ITPRID2: variants seen among roughly 807,000 people sequenced by gnomAD.
The protein encoded by ITPRID2 is ITPR interacting domain containing 2.
In ITPRID2, 60 loss-of-function variants were observed where a neutral mutation model predicts 124.3. That is an observed-to-expected ratio of 0.48 (90% confidence interval 0.39 to 0.60). The LOEUF is 0.60. Ranked by LOEUF, ITPRID2 falls within the 20% of genes least tolerant of loss-of-function variation. The pLI is 0.00. For synonymous variants in ITPRID2, 521 were observed against 542.9 expected, an observed-to-expected ratio of 0.96 and a Z score of 0.56; for missense variants, 1,553 against 1,512.2, an observed-to-expected ratio of 1.03 and a Z score of -0.45.
In ITPRID2 at chr2:181,921,932, T is replaced by A. The variant is rs1390499875; in HGVS notation, c.3211-16T>A. 6.3e-7 allele frequency: 1 copy of A among 1,596,620 alleles called. No individual in the cohort carries two copies. Among genetic ancestry groups the A allele is most frequent in the Non-Finnish European group, 8.5e-7 (1 of 1,171,702 alleles). ...AATTCCAAGAGAGAAGAATAACATTTTTTTATGATCTCCAGGTCACTGAAC... is the reference window on the plus strand; with the variant it reads ...AATTCCAAGAGAGAAGAATAACATTATTTTATGATCTCCAGGTCACTGAAC... On this transcript the variant is annotated splice_polypyrimidine_tract_variant and intron_variant, in intron 15 of 17. Coordinates refer to ENST00000431877, the MANE Select transcript of ITPRID2 (RefSeq NM_001130445.3).
At chr2:181,924,614 A>T (rs901160506) in intron 16 of ITPRID2, among the ~76,000 whole-genome samples, 15 of 152,308 alleles carry the variant, frequency 9.8e-5, no homozygotes, top group Admixed American at 2.0e-4. Context: ...GCGTTCATGG[A>T]TGCATGAAAA....
intron 8 of ITPRID2, among the ~76,000 whole-genome samples, chr2:181,904,441 G>C (rs1692938370): frequency 6.6e-6 from 1 of 152,052 alleles, no homozygotes. Flanking sequence ...AAAACCTCCT[G>C]GAAGTGTGTT....
At position 181,902,269 on chromosome 2, in the gene ITPRID2, C is replaced by T. The variant is rs1246217320; in HGVS notation, c.1216C>T (p.Leu406=). ...SKETQSHESK[L]GEESGIVESK... ...AGAAACTCAAAGTCATGAGAGTAAA[C>T]TGGGTGAGGAATCTGGTATTGTAGA... The change falls in exon 8 of 18, where the codon CTG becomes TTG. Residue 406 remains leucine (L), a synonymous_variant. Coordinates refer to ENST00000431877, the MANE Select transcript of ITPRID2 (RefSeq NM_001130445.3). This position sits in a 1 kb window ranked among gnomAD's most constrained non-coding sequence, Gnocchi z 4.4. 6.2e-7 allele frequency: 1 copy of T among 1,613,470 alleles called. No individual in the cohort carries two copies. Among genetic ancestry groups the T allele is most frequent in the Admixed American group, 1.7e-5 (1 of 59,942 alleles).
Position 181,892,408 on chromosome 2 carries a change from AC to A in ITPRID2, c.211+133del. 8.2e-7 allele frequency: 1 copy of A among 1,212,178 alleles called. No homozygotes were observed. The highest frequency in any genetic ancestry group is 1.5e-5 in the African/African-American group (1 of 65,874). 75.1% of individuals were successfully genotyped at this position (1,212,178 alleles called of 1,614,324 possible). A position where few individuals can be genotyped will look rare whatever the true frequency, so the allele number is the denominator to read the frequency against. On this transcript the variant is annotated intron_variant, in intron 1 of 17. Coordinates refer to ENST00000431877, the MANE Select transcript of ITPRID2 (RefSeq NM_001130445.3). This position sits in a 1 kb window ranked among gnomAD's most constrained non-coding sequence, Gnocchi z 5.2. ...GCCGAGGGGAGAGGGGACACTTCCG[AC>A]CTTCAAACGCGCGCGCTGAACGAGG...
At position 181,915,904 on chromosome 2, in the gene ITPRID2, A is replaced by C. The variant is rs537977966; in HGVS notation, c.2264A>C (p.Asn755Thr). The C allele has an allele frequency of 6.2e-7, 1 of 1,614,088 alleles. No individual in the cohort carries two copies. Residue 755 changes from asparagine to threonine, a missense_variant, in exon 11 of 18, where the codon AAT (asparagine) becomes ACT (threonine). Asn to Thr is a moderately conservative substitution (Grantham distance 65). Transcript: ENST00000431877. ...CCAGTAAGGGTTGTGTCCTCTGTCA[A>C]TGTTCGATTATCTCCAGGAAAAGAG... Reference protein sequence around the residue: ...LSPVRVVSSVNVRLSPGKETR... With the variant: ...LSPVRVVSSVTVRLSPGKETR...
At chr2:181,898,820 A>T (rs1413905210) in intron 4 of ITPRID2, 60 bp from the exon 5 acceptor site, 1 of 1,133,448 alleles carries the variant, frequency 8.8e-7, no homozygotes, top group Non-Finnish European at 1.3e-6. Flanking sequence ...TGATAATTGT[A>T]TCATAGTAGT....
Position 181,916,775 on chromosome 2 carries a change from TAA to T in ITPRID2, c.2787+350_2787+351del, listed in dbSNP as rs560919127. ...TCTATTATTAAAAAATCTTCCCTCTTAAAGTTCTTTCTCTCTTTCTCTCTGCT... is the reference window on the plus strand; with the variant it reads ...TCTATTATTAAAAAATCTTCCCTCTTAGTTCTTTCTCTCTTTCTCTCTGCT... On this transcript the variant is annotated intron_variant, in intron 11 of 17. Coordinates refer to ENST00000431877, the MANE Select transcript of ITPRID2 (RefSeq NM_001130445.3). 4 of 955,270 alleles carry T rather than the reference TAA, an allele frequency of 4.2e-6. No homozygotes were observed. In the African/African-American group the frequency reaches 5.3e-5, roughly 13 times the overall value. The allele number at this position is 955,270 out of a possible 1,614,324, so 59.2% of individuals were successfully genotyped here. A position where few individuals can be genotyped will look rare whatever the true frequency, so the allele number is the denominator to read the frequency against.
intron 4 of ITPRID2, among the ~76,000 whole-genome samples, chr2:181,897,881 T>C (rs990779712): frequency 6.6e-6 from 1 of 152,010 alleles, no homozygotes; most frequent in African/African-American, 2.4e-5. Context: ...TTAGTTCTTA[T>C]TATTTCTGTT....
rs757407741 is a variant in ITPRID2 at position 181,916,150 on chromosome 2, C to T, written c.2510C>T (p.Pro837Leu). ...CCTACCTGTTCACGGCTTGCTCCAC[C>T]ACCAATGTCTCAGTCTACCTGTTCC... Reference protein sequence around the residue: ...RTPTCSRLAPPPMSQSTCSLH... With the variant: ...RTPTCSRLAPLPMSQSTCSLH... Residue 837 changes from proline to leucine, a missense_variant, in exon 11 of 18, where the codon CCA becomes CTA. Pro to Leu is a moderately conservative substitution (Grantham distance 98). Transcript: ENST00000431877. 6.2e-7 allele frequency: 1 copy of T among 1,614,232 alleles called. No individual in the cohort carries two copies. The highest frequency in any genetic ancestry group is 1.1e-5 in the South Asian group (1 of 91,086).
In ITPRID2 at chr2:181,915,240, G is replaced by A; in HGVS notation, c.1600G>A (p.Gly534Arg). ...LQVQESLQAM[G>R]SSADSCDSET... ...GGTTCAGGAGTCCTTGCAGGCTATG[G>A]GGAGTAGTGCTGATAGTTGTGACAG... Residue 534 changes from glycine to arginine, a missense_variant, in exon 11 of 18, where the codon GGG (glycine) becomes AGG (arginine). Physicochemically the swap from Gly to Arg is moderately radical, Grantham distance 125. Coordinates refer to ENST00000431877, the MANE Select transcript of ITPRID2 (RefSeq NM_001130445.3). 6.2e-7 allele frequency: 1 copy of A among 1,614,042 alleles called. No individual in the cohort carries two copies. Among genetic ancestry groups the A allele is most frequent in the South Asian group, 1.1e-5 (1 of 91,066 alleles).
intron 16 of ITPRID2, 22 bp from the exon 17 acceptor site, chr2:181,928,139 T>C: frequency 2.1e-6 from 3 of 1,459,842 alleles, no homozygotes; most frequent in Non-Finnish European, 2.8e-6. Context: ...TAAATTTTTG[T>C]TTTATTGTTT....
Position 181,929,747 on chromosome 2 carries a change from C to A in ITPRID2, c.*200C>A, listed in dbSNP as rs879572713. The stretch of plus-strand genomic sequence containing the variant: ...TAGAAACTTAGGCACTTTGCTATTT[C>A]TTTTCTAAACTATCAAAAACTCTAG... On this transcript the variant is annotated 3_prime_UTR_variant, in exon 18 of 18. Coordinates refer to ENST00000431877, the MANE Select transcript of ITPRID2 (RefSeq NM_001130445.3). 2 of 761,286 alleles carry A rather than the reference C, an allele frequency of 2.6e-6. No homozygotes were observed. Among genetic ancestry groups the A allele is most frequent in the Admixed American group, 5.9e-5 (2 of 34,034 alleles). 47.2% of individuals were successfully genotyped at this position (761,286 alleles called of 1,614,324 possible).
Position 181,902,228 on chromosome 2 carries a change from A to G in ITPRID2, c.1175A>G (p.Glu392Gly). The change falls in exon 8 of 18, where the codon GAA becomes GGA. Residue 392 changes from glutamate (E) to glycine (G), a missense_variant. Transcript: ENST00000431877. This position sits in a 1 kb window ranked among gnomAD's most constrained non-coding sequence, Gnocchi z 4.4. ...EANSNFNQGT[E>G]NEQSKETQSH... is the part of the protein sequence containing the mutation. The stretch of plus-strand genomic sequence containing the variant: ...AATAGTAATTTTAACCAAGGAACTG[A>G]AAATGAACAAAGTAAAGAAACTCAA... The G allele has an allele frequency of 6.2e-7, 1 of 1,613,360 alleles. No individual in the cohort carries two copies. Among genetic ancestry groups the G allele is most frequent in the Non-Finnish European group, 8.5e-7 (1 of 1,179,546 alleles).
At chr2:181,918,479 G>C (rs1694244020) in intron 11 of ITPRID2, 119 bp from the exon 12 acceptor site, 2 of 1,481,646 alleles carry the variant, frequency 1.3e-6, no homozygotes, top group Non-Finnish European at 1.8e-6. Context: ...AGGTTTTTTG[G>C]ATCCTTTTGT....
At chr2:181,916,478 C>A (rs754728012) in intron 11 of ITPRID2, 51 bp downstream of exon 11, 10 of 1,553,954 alleles carry the variant, frequency 6.4e-6, no homozygotes, top group South Asian at 1.2e-5. Context: ...CTGCTCTGAG[C>A]ACTTTTTAAT....
rs1021184666 is a variant in ITPRID2 at position 181,907,365 on chromosome 2, G to A, written c.1414-2534G>A. Among the ~76,000 whole-genome samples the A allele has an allele frequency of 4.6e-5, 7 of 151,576 alleles. No individual in the cohort carries two copies. The highest frequency in any genetic ancestry group is 1.7e-4 in the African/African-American group (7 of 41,284). ...CTTTTTTAAATGAAGTAACCCAAAT[G>A]TGTGGGTTATTCTAAAGCTGTTTTT... On this transcript the variant is annotated intron_variant, in intron 8 of 17. Transcript: ENST00000431877. The surrounding 1 kb of genome is among the most constrained non-coding windows in gnomAD (Gnocchi z 5.1).
chr2:181,912,842 C>G (rs1402760172), intron 9 of ITPRID2, among the ~76,000 whole-genome samples: 1 of 151,826 alleles, frequency 6.6e-6, no homozygotes, highest in Non-Finnish European at 1.5e-5. Context: ...ATCATACTAA[C>G]CAGGAATTAG....
Position 181,897,870 on chromosome 2 carries a change from AT to A in ITPRID2, c.364+908del, listed in dbSNP as rs781623039. Among the ~76,000 whole-genome samples, 6 of 151,988 alleles carry A rather than the reference AT, an allele frequency of 3.9e-5. No homozygotes were observed. The East Asian group carries it at 9.6e-4, about 24-fold the overall frequency. Reference sequence around the variant, plus strand: ...TTAAAACTCTGGAATATGCAAATATATTAGTTCTTATTATTTCTGTTCATAT... The same window carrying A: ...TTAAAACTCTGGAATATGCAAATATATAGTTCTTATTATTTCTGTTCATAT... On this transcript the variant is annotated intron_variant, in intron 4 of 17. Transcript: ENST00000431877.
chr2:181,902,156 C>T lies in ITPRID2; in HGVS notation c.1103C>T (p.Ala368Val), dbSNP rs1352848108. The T allele has an allele frequency of 6.2e-7, 1 of 1,613,714 alleles. No homozygotes were observed. Reference sequence around the variant, plus strand: ...AAAGAAGAAGTCTCTGGTAGTTCAGCAGCTGTTACGGAGAATGCTGATAGT... The same window carrying T: ...AAAGAAGAAGTCTCTGGTAGTTCAGTAGCTGTTACGGAGAATGCTGATAGT... ...TVKEEVSGSSAAVTENADSDR... is the reference protein window; with the variant it reads ...TVKEEVSGSSVAVTENADSDR... Residue 368 changes from alanine to valine, a missense_variant, in exon 8 of 18, where the codon GCA becomes GTA. Coordinates refer to ENST00000431877, the MANE Select transcript of ITPRID2 (RefSeq NM_001130445.3). The surrounding 1 kb of genome is among the most constrained non-coding windows in gnomAD (Gnocchi z 4.4).
Sources: allele counts gnomAD v4.1 joint callset (sites outside exome capture counted in the v4.1 genomes callset), GRCh38; gene constraint gnomAD v4.1.1; non-coding constraint Gnocchi (gnomAD v3.1); transcripts MANE v1.5; gene names NCBI Gene and HGNC (gene_info 2026-07-23, HGNC 2026-07-21).